FNDC1: variants seen among roughly 807,000 people sequenced by gnomAD.
FNDC1 encodes fibronectin type III domain containing 1.
In FNDC1, 96 loss-of-function variants were observed where a neutral mutation model predicts 168.0. The observed-to-expected ratio is 0.57, with a 90% CI of 0.48 to 0.68. The LOEUF (loss-of-function observed/expected upper bound fraction) is 0.68, where lower values mean the gene tolerates loss of function less well. Among genes scored for constraint, FNDC1 ranks in the 30% least tolerant of loss-of-function variants. FNDC1 has a pLI of 0.00. For missense variants in FNDC1, 2,587 were observed against 2,482.1 expected, an observed-to-expected ratio of 1.04 and a Z score of -0.90; for synonymous variants, 1,099 against 1,025.9, an observed-to-expected ratio of 1.07 and a Z score of -1.36.
At chr6:159,230,037 T>C in intron 10 of FNDC1, 34 bp downstream of exon 10, 1 of 1,568,040 alleles carries the variant, frequency 6.4e-7, no homozygotes, top group Non-Finnish European at 8.7e-7. Context: ...GTCTTCTCTC[T>C]CTCTTCATTC....
At chr6:159,262,903 C>G (rs902017414) in intron 19 of FNDC1, among the ~76,000 whole-genome samples, 1 of 152,214 alleles carries the variant, frequency 6.6e-6, no homozygotes, top group African/African-American at 2.4e-5. Context: ...TGGTCATCTT[C>G]CTTTATTCCA....
intron 19 of FNDC1, among the ~76,000 whole-genome samples, chr6:159,262,996 T>C (rs1777517523): frequency 6.6e-6 from 1 of 152,364 alleles, no homozygotes; most frequent in Non-Finnish European, 1.5e-5. Flanking sequence ...ATAAAGTCAG[T>C]GAATTATGGC....
intron 11 of FNDC1, among the ~76,000 whole-genome samples, chr6:159,235,488 C>T (rs978139816): frequency 2.0e-5 from 3 of 152,060 alleles, no homozygotes; most frequent in African/African-American, 7.2e-5. Context: ...ATAGCAGGAA[C>T]TCCATAAATA....
chr6:159,239,650 G>A lies in FNDC1; in HGVS notation c.4314G>A (p.Glu1438=). The A allele has an allele frequency of 1.3e-6, 2 of 1,553,076 alleles. No homozygotes were observed. The highest frequency in any genetic ancestry group is 1.7e-6 in the Non-Finnish European group (2 of 1,147,674). ...GAGGAAAGCCGCTGGTGGGCTTGGA[G>A]GTCATCAAAAAAACCACCCATCCCC... ...SLGGKPLVGL[E]VIKKTTHPPT... Residue 1438 remains glutamate, a synonymous_variant, in exon 14 of 23, where the codon GAG becomes GAA. Coordinates refer to ENST00000297267, the MANE Select transcript of FNDC1 (RefSeq NM_032532.3).
chr6:159,175,234 T>G (rs1781738415), intron 1 of FNDC1, among the ~76,000 whole-genome samples: 2 of 152,200 alleles, frequency 1.3e-5, no homozygotes, highest in Admixed American at 1.3e-4. Context: ...TTTAAAGTGT[T>G]ACGGAGTTCA....
intron 14 of FNDC1, among the ~76,000 whole-genome samples, chr6:159,245,491 T>C (rs537851814): frequency 6.6e-6 from 1 of 152,280 alleles, no homozygotes; most frequent in East Asian, 1.9e-4. Flanking sequence ...TACAATTTTT[T>C]TTTTAGCTAT....
At position 159,201,311 on chromosome 6, in the gene FNDC1, G is replaced by C. The variant is rs1162238731; in HGVS notation, c.460+730G>C. On this transcript the variant is annotated intron_variant, in intron 4 of 22. Transcript: ENST00000297267. ...CTGGAGTTCTTGTTGACAGGAAGGT[G>C]AGTATGATGAAACCAATGATGATTA... 2.0e-5 allele frequency among the ~76,000 whole-genome samples: 3 copies of C among 152,320 alleles called. No homozygotes were observed. The South Asian group carries it at 6.2e-4, about 32-fold the overall frequency.
rs1783148565 is a variant in FNDC1, at chr6:159,233,342, TC to T, written c.2833del (p.Leu945TrpfsTer52). 1 of 1,613,800 alleles carries T rather than the reference TC, an allele frequency of 6.2e-7. No homozygotes were observed. Among genetic ancestry groups the T allele is most frequent in the Non-Finnish European group, 8.5e-7 (1 of 1,179,840 alleles). On this transcript the variant is annotated frameshift_variant, in exon 11 of 23. Transcript: ENST00000297267. LOFTEE classifies it high-confidence loss of function. The surrounding 1 kb of genome is among the most constrained non-coding windows in gnomAD (Gnocchi z 4.6). ...ADTHPQGKYS[S>X]LASKAQDVQQ... ...TACACATCCTCAGGGCAAGTACTCC[TC>T]CCTGGCCTCCAAGGCTCAGGATGTT...
chr6:159,203,020 C>T (rs1313953944), intron 4 of FNDC1, among the ~76,000 whole-genome samples: 1 of 152,184 alleles, frequency 6.6e-6, no homozygotes, highest in Non-Finnish European at 1.5e-5. Flanking sequence ...TAGATGGTCA[C>T]CTTTTTGCTG....
chr6:159,182,836 A>G (rs532431299), intron 1 of FNDC1, among the ~76,000 whole-genome samples: 2 of 152,360 alleles, frequency 1.3e-5, no homozygotes, highest in South Asian at 4.1e-4. Flanking sequence ...TTTACAATCA[A>G]TAGGCAGATG....
Position 159,233,716 on chromosome 6 carries a change from C to T in FNDC1, c.3204C>T (p.Leu1068=). Residue 1068 remains leucine (L), a synonymous_variant, in exon 11 of 23, where the codon CTC becomes CTT. Coordinates refer to ENST00000297267, the MANE Select transcript of FNDC1 (RefSeq NM_032532.3). The surrounding 1 kb of genome is among the most constrained non-coding windows in gnomAD (Gnocchi z 4.6). ...CCAGAGGGATGCTCCCCACGGCCCTCCAGAACCAGGACGAGGATGCCCAGG... is the reference window on the plus strand; with the variant it reads ...CCAGAGGGATGCTCCCCACGGCCCTTCAGAACCAGGACGAGGATGCCCAGG... ...ASSRGMLPTA[L]QNQDEDAQGS... 1 of 1,549,888 alleles carries T rather than the reference C, an allele frequency of 6.5e-7. No homozygotes were observed. Among genetic ancestry groups the T allele is most frequent in the Non-Finnish European group, 8.7e-7 (1 of 1,146,800 alleles).
Position 159,236,288 on chromosome 6 carries a change from T to C in FNDC1, c.4041T>C (p.Ile1347=), listed in dbSNP as rs759791279. ...GSNGKPNGQR[I]INGPQGTKWV... The stretch of plus-strand genomic sequence containing the variant: ...ATGGAAAACCGAATGGACAGAGAAT[T>C]ATCAATGGCCCTCAAGGAACAAAGT... Residue 1347 remains isoleucine (I), a synonymous_variant, in exon 12 of 23, where the codon ATT becomes ATC. Transcript: ENST00000297267. 4.3e-6 allele frequency: 7 copies of C among 1,613,596 alleles called. No homozygotes were observed. The highest frequency in any genetic ancestry group is 5.9e-6 in the Non-Finnish European group (7 of 1,179,640).
chr6:159,269,276 C>T (rs1777670173), intron 22 of FNDC1, among the ~76,000 whole-genome samples: 1 of 90,136 alleles, frequency 1.1e-5, no homozygotes, highest in Non-Finnish European at 3.0e-5. Flanking sequence ...ATCTATCTAT[C>T]TATCTATCTA....
At chr6:159,175,706 G>A (rs776487898) in intron 1 of FNDC1, among the ~76,000 whole-genome samples, 1 of 152,200 alleles carries the variant, frequency 6.6e-6, no homozygotes, top group Non-Finnish European at 1.5e-5. Flanking sequence ...CCTTTCCTTG[G>A]TGGTCCTGTT....
chr6:159,181,707 A>G (rs1446823856), intron 1 of FNDC1, among the ~76,000 whole-genome samples: 6 of 152,206 alleles, frequency 3.9e-5, no homozygotes, highest in Non-Finnish European at 7.3e-5. Flanking sequence ...TGTTGACTCA[A>G]TCTGAAACTC....
At chr6:159,208,844 ATTTTT>A (rs369408600) in intron 4 of FNDC1, among the ~76,000 whole-genome samples, 2 of 128,102 alleles carry the variant, frequency 1.6e-5, no homozygotes, top group African/African-American at 3.1e-5. Flanking sequence ...GTTATTTTTA[ATTTTT>A]TTTTTTTTTT....
chr6:159,237,975 C>A (rs971498264), intron 12 of FNDC1, among the ~76,000 whole-genome samples: 1 of 152,198 alleles, frequency 6.6e-6, no homozygotes, highest in Admixed American at 6.5e-5. Flanking sequence ...TTCTTTCCAG[C>A]ATTAGACACA....
At chr6:159,213,387 T>C (rs941841640) in intron 4 of FNDC1, among the ~76,000 whole-genome samples, 1 of 152,180 alleles carries the variant, frequency 6.6e-6, no homozygotes, top group Non-Finnish European at 1.5e-5. Context: ...CCTCAGGAAA[T>C]TTCAAAGACC....
intron 1 of FNDC1, among the ~76,000 whole-genome samples, chr6:159,178,806 C>T (rs1191206097): frequency 1.3e-5 from 2 of 150,350 alleles, no homozygotes; most frequent in East Asian, 2.0e-4. Context: ...CAGGGAAGTG[C>T]GGCTACCACC....
Sources: gnomAD v4.1 joint callset for allele counts (sites outside exome capture counted in the v4.1 genomes callset) on GRCh38, gnomAD v4.1.1 for gene constraint, Gnocchi (gnomAD v3.1) non-coding constraint, MANE v1.5 for transcripts, NCBI Gene and HGNC (gene_info 2026-07-23, HGNC 2026-07-21) for gene names.